The following SUCLG2 variants were observed in gnomAD, a reference collection of about 807,000 sequenced individuals.
The protein encoded by SUCLG2 is succinate--CoA ligase [GDP-forming] subunit beta, mitochondrial.
SUCLG2 carries 42 observed loss-of-function variants against 47.9 expected under a neutral mutation model. The ratio of observed to expected loss-of-function variants is 0.88; its 90% CI spans 0.69 to 1.14. The LOEUF (loss-of-function observed/expected upper bound fraction) is 1.14. Among genes scored for constraint, SUCLG2 ranks in the 50% most tolerant of loss-of-function variants. The pLI is 0.00. For synonymous variants in SUCLG2, 195 were observed against 197.3 expected (o/e 0.99, Z 0.10); for missense variants, 571 against 525.9 (o/e 1.09, Z -0.84).
intron 9 of SUCLG2, chr3:67,408,924 A>G (rs1212448193): frequency 3.9e-6 from 6 of 1,528,130 alleles, no homozygotes; most frequent in African/African-American, 2.8e-5. Flanking sequence ...GAGACTCCCA[A>G]GATGAGTCAG....
intron 5 of SUCLG2, among the ~76,000 whole-genome samples, chr3:67,519,676 G>T (rs139441963): frequency 5.3e-5 from 8 of 152,266 alleles, no homozygotes; most frequent in Non-Finnish European, 1.2e-4. Context: ...TTTTCTAAAA[G>T]AAATAATGAA....
chr3:67,478,218 A>G (rs1253828862), intron 9 of SUCLG2, among the ~76,000 whole-genome samples: 1 of 152,212 alleles, frequency 6.6e-6, no homozygotes, highest in African/African-American at 2.4e-5. Context: ...CATAGCCCTG[A>G]AGACGGCCAC....
chr3:67,464,708 ATTTG>A (rs764708538), intron 9 of SUCLG2, among the ~76,000 whole-genome samples: 1 of 152,222 alleles, frequency 6.6e-6, no homozygotes, highest in Non-Finnish European at 1.5e-5. Context: ...AATTCCATTT[ATTTG>A]TTTTTCTCTA....
At chr3:67,369,083 T>C (rs1701917047) in intron 10 of SUCLG2, among the ~76,000 whole-genome samples, 1 of 152,142 alleles carries the variant, frequency 6.6e-6, no homozygotes, top group South Asian at 2.1e-4. Flanking sequence ...TTTTTGTGAT[T>C]TATTGGTCAG....
chr3:67,432,834 G>A (rs1703521026), intron 9 of SUCLG2, among the ~76,000 whole-genome samples: 1 of 152,178 alleles, frequency 6.6e-6, no homozygotes, highest in Non-Finnish European at 1.5e-5. Context: ...GCTGAAGGAC[G>A]AAATGGAACC....
chr3:67,572,145 T>C (rs1334022748), intron 2 of SUCLG2, among the ~76,000 whole-genome samples: 1 of 152,244 alleles, frequency 6.6e-6, no homozygotes, highest in African/African-American at 2.4e-5. Context: ...GTCAAATGCC[T>C]ATCTATGCAT....
intron 8 of SUCLG2, 75 bp downstream of exon 8, chr3:67,498,059 G>A: frequency 7.0e-7 from 1 of 1,434,582 alleles, no homozygotes; most frequent in Non-Finnish European, 9.5e-7. Flanking sequence ...CTTGGTAAGT[G>A]ACATTTCAGA....
intron 10 of SUCLG2, among the ~76,000 whole-genome samples, chr3:67,378,434 G>T (rs2106762086): frequency 6.6e-6 from 1 of 152,314 alleles, no homozygotes; most frequent in Middle Eastern, 3.4e-3. Flanking sequence ...CCTGGGCAAG[G>T]AACTGAGGGC....
chr3:67,462,775 T>C (rs979177947), intron 9 of SUCLG2, among the ~76,000 whole-genome samples: 1 of 152,202 alleles, frequency 6.6e-6, no homozygotes, highest in East Asian at 1.9e-4. Context: ...TAAAACAACC[T>C]GGAGCTTGCA....
intron 2 of SUCLG2, among the ~76,000 whole-genome samples, chr3:67,599,640 CCT>C (rs1276024936): frequency 5.3e-5 from 8 of 152,020 alleles, no homozygotes; most frequent in African/African-American, 7.2e-5. Context: ...TTATTTTCCC[CCT>C]GTTATCCACG....
chr3:67,441,242 G>A (rs944075890), intron 9 of SUCLG2, among the ~76,000 whole-genome samples: 1 of 152,114 alleles, frequency 6.6e-6, no homozygotes, highest in Non-Finnish European at 1.5e-5. Flanking sequence ...GGGGGGCTAG[G>A]GGAGGGATAG....
chr3:67,370,572 A>G (rs888537836), downstream of SUCLG2, among the ~76,000 whole-genome samples: 23 of 152,218 alleles, frequency 1.5e-4, no homozygotes, highest in African/African-American at 5.3e-4. Context: ...TCCCGAGTGA[A>G]TGCCTAAAAC....
At chr3:67,489,325 A>G (rs1386909469) in intron 9 of SUCLG2, among the ~76,000 whole-genome samples, 1 of 152,206 alleles carries the variant, frequency 6.6e-6, no homozygotes, top group Non-Finnish European at 1.5e-5. Flanking sequence ...GGGGGAAAAA[A>G]GAAAAGGGCC....
intron 9 of SUCLG2, among the ~76,000 whole-genome samples, chr3:67,412,212 T>C (rs1702945409): frequency 6.6e-6 from 1 of 152,182 alleles, no homozygotes. Flanking sequence ...GGCAGAGCAC[T>C]CCCTACAGCC....
At chr3:67,415,069 T>C (rs1343615963) in intron 9 of SUCLG2, among the ~76,000 whole-genome samples, 1 of 152,176 alleles carries the variant, frequency 6.6e-6, no homozygotes. Context: ...TTGCCTAGGC[T>C]GGTCCCGAAA....
At chr3:67,455,782 T>C (rs867408669) in intron 9 of SUCLG2, among the ~76,000 whole-genome samples, 5 of 152,160 alleles carry the variant, frequency 3.3e-5, no homozygotes, top group Admixed American at 1.3e-4. Context: ...TATGGGTATC[T>C]GAAAGGGTAG....
In SUCLG2 at chr3:67,633,160, C is replaced by T. The variant is rs143493927; in HGVS notation, c.84+21343G>A. Among the ~76,000 whole-genome samples the T allele has an allele frequency of 7.5e-3, 1,135 of 152,178 alleles. 26 individuals are homozygous for T. The highest frequency in any genetic ancestry group is 0.035 in the Admixed American group (541 of 15,292). On this transcript the variant is annotated intron_variant, in intron 1 of 10. Coordinates refer to ENST00000307227, the MANE Select transcript of SUCLG2 (RefSeq NM_003848.4). ...TTAAGCCAGAAAACAAAATCAAGAA[C>T]AAATTAATAACGAAAAGTAAAATGT... is the stretch of plus-strand genomic sequence containing the variant.
intron 2 of SUCLG2, among the ~76,000 whole-genome samples, chr3:67,565,601 A>G (rs1161990528): frequency 1.3e-5 from 2 of 152,158 alleles, no homozygotes; most frequent in Non-Finnish European, 2.9e-5. Flanking sequence ...AGCATTTCTG[A>G]CTCTCTAGCT....
At chr3:67,472,081 A>C (rs979388192) in intron 9 of SUCLG2, among the ~76,000 whole-genome samples, 2 of 152,204 alleles carry the variant, frequency 1.3e-5, no homozygotes, top group African/African-American at 4.8e-5. Flanking sequence ...AAAAAATCAA[A>C]TCTAGTTTCA....
Sources: allele counts gnomAD v4.1 joint callset (sites outside exome capture counted in the v4.1 genomes callset), GRCh38; gene constraint gnomAD v4.1.1; transcripts MANE v1.5; gene names NCBI Gene and HGNC (gene_info 2026-07-23, HGNC 2026-07-21).